Variants in ERGIC2 observed in about 807,000 individuals in gnomAD.
The protein encoded by ERGIC2 is endoplasmic reticulum-Golgi intermediate compartment protein 2.
In ERGIC2, 31 loss-of-function variants were observed where a neutral mutation model predicts 52.5. The ratio of observed to expected loss-of-function variants is 0.59; its 90% CI spans 0.44 to 0.80. ERGIC2 has a LOEUF of 0.80. Among genes scored for constraint, ERGIC2 ranks in the 30% least tolerant of loss-of-function variants. ERGIC2 has a pLI of 0.00. For missense variants in ERGIC2, 395 were observed against 455.2 expected (o/e 0.87, Z 1.20); for synonymous variants, 129 against 140.6 (o/e 0.92, Z 0.58).
Position 29,357,532 on chromosome 12 carries a change from A to G in ERGIC2, c.476+91T>C. On this transcript the variant is annotated intron_variant, in intron 7 of 13. Coordinates refer to ENST00000360150, the MANE Select transcript of ERGIC2 (RefSeq NM_016570.3). ...TCTATTTTCCCTTCCTAAGAAAAAT[A>G]AGATTCAGAAAACTAAACCAACACT... The G allele has an allele frequency of 4.1e-6, 3 of 723,274 alleles. No homozygotes were observed. The East Asian group carries it at 7.5e-5, about 18-fold the overall frequency. 44.8% of individuals were successfully genotyped at this position (723,274 alleles called of 1,614,324 possible).
chr12:29,380,309 T>A (rs1278050683), intron 1 of ERGIC2, among the ~76,000 whole-genome samples: 1 of 152,136 alleles, frequency 6.6e-6, no homozygotes, highest in African/African-American at 2.4e-5. Context: ...AAATACTGAA[T>A]TACAACTTCA....
intron 1 of ERGIC2, among the ~76,000 whole-genome samples, chr12:29,376,375 C>T (rs1940514847): frequency 6.6e-6 from 1 of 152,160 alleles, no homozygotes. Flanking sequence ...TTAATGACTT[C>T]AGCACCCAGA....
rs759876628 is a variant in ERGIC2 at position 29,357,676 on chromosome 12, T to C, written c.423A>G (p.Gln141=). 1 of 1,610,386 alleles carries C rather than the reference T, an allele frequency of 6.2e-7. No homozygotes were observed. The highest frequency in any genetic ancestry group is 8.5e-7 in the Non-Finnish European group (1 of 1,177,034). The change falls in exon 7 of 14, where the codon CAA becomes CAG. Residue 141 remains glutamine, a synonymous_variant. Coordinates refer to ENST00000360150, the MANE Select transcript of ERGIC2 (RefSeq NM_016570.3). Reference sequence around the variant, plus strand: ...TAAAAGCACTTTTAAATATCACATCTTGAAGTGAATGCTCTTCTTGTAGCC... The same window carrying C: ...TAAAAGCACTTTTAAATATCACATCCTGAAGTGAATGCTCTTCTTGTAGCC... ...QSRLQEEHSL[Q]DVIFKSAFKS...
At chr12:29,341,860 T>C in intron 12 of ERGIC2, 44 bp from the exon 13 acceptor site, 1 of 970,400 alleles carries the variant, frequency 1.0e-6, no homozygotes, top group Admixed American at 1.8e-5. Context: ...TTTCCTAAAC[T>C]GTTATTTAAG....
chr12:29,341,100 T>C lies in ERGIC2; in HGVS notation c.*56A>G, dbSNP rs1949836431. The C allele has an allele frequency of 2.6e-6, 3 of 1,144,644 alleles. No individual in the cohort carries two copies. Among genetic ancestry groups the C allele is most frequent in the African/African-American group, 1.6e-5 (1 of 64,242 alleles). 70.9% of individuals were successfully genotyped at this position (1,144,644 alleles called of 1,614,324 possible). ...GAATATATTGCACAATATTTTATTATTAAAAAAAGGTTTTATGTCTCAGGC... is the reference window on the plus strand; with the variant it reads ...GAATATATTGCACAATATTTTATTACTAAAAAAAGGTTTTATGTCTCAGGC... On this transcript the variant is annotated 3_prime_UTR_variant, in exon 14 of 14. Transcript: ENST00000360150.
intron 11 of ERGIC2, 28 bp downstream of exon 11, chr12:29,345,415 A>T (rs1940034038): frequency 3.1e-6 from 4 of 1,271,658 alleles, no homozygotes. Flanking sequence ...AAATCACCAA[A>T]TTATTTTACC....
In ERGIC2 at chr12:29,349,119, A is replaced by C. The variant is rs1202176712; in HGVS notation, c.687T>G (p.Ile229Met). ...TTTCAGTTCCATCTAAAGGATTAAT[A>C]ATTGCTGGAACAAGCTCTCCAAAAG... Reference protein sequence around the residue: ...HLSFGELVPAIINPLDGTEKI... With the variant: ...HLSFGELVPAMINPLDGTEKI... The change falls in exon 10 of 14, where the codon ATT becomes ATG. Residue 229 changes from isoleucine to methionine, a missense_variant. By Grantham distance (10) the Ile-to-Met change is conservative. Transcript: ENST00000360150. The C allele has an allele frequency of 6.3e-7, 1 of 1,582,842 alleles. No individual in the cohort carries two copies. The highest frequency in any genetic ancestry group is 1.4e-5 in the African/African-American group (1 of 72,926).
intron 4 of ERGIC2, among the ~76,000 whole-genome samples, chr12:29,367,306 C>T (rs1217027471): frequency 1.3e-5 from 2 of 151,448 alleles, no homozygotes; most frequent in Non-Finnish European, 3.0e-5. Context: ...TAAGTGGCTG[C>T]TGAACAAAAT....
chr12:29,369,380 C>T (rs563409043), intron 3 of ERGIC2, among the ~76,000 whole-genome samples: 10 of 151,950 alleles, frequency 6.6e-5, no homozygotes, highest in African/African-American at 2.4e-4. Context: ...GTGTGACCTG[C>T]CCAAGGTTAC....
chr12:29,350,180 A>AT (rs1940112690), intron 8 of ERGIC2, 112 bp from the exon 9 acceptor site: 1 of 643,488 alleles, frequency 1.6e-6, no homozygotes, highest in Non-Finnish European at 2.7e-6. Context: ...ACAAAATAAC[A>AT]TAAGAATGCA....
At chr12:29,371,815 C>T (rs1442389441) in intron 1 of ERGIC2, 145 bp from the exon 2 acceptor site, 1 of 488,898 alleles carries the variant, frequency 2.0e-6, no homozygotes, top group East Asian at 3.3e-5. Context: ...TATTTATCCA[C>T]ACTACTCCTT....
chr12:29,361,133 C>T (rs146713851), intron 6 of ERGIC2, among the ~76,000 whole-genome samples: 12 of 151,938 alleles, frequency 7.9e-5, no homozygotes, highest in Non-Finnish European at 1.0e-4. Context: ...CTGTAGTGTG[C>T]GCCAGCTACT....
At chr12:29,368,919 T>C (rs1940400927) in intron 3 of ERGIC2, among the ~76,000 whole-genome samples, 3 of 151,986 alleles carry the variant, frequency 2.0e-5, no homozygotes, top group Admixed American at 2.0e-4. Flanking sequence ...CTTAAAATTT[T>C]TCATGGCCTT....
intron 10 of ERGIC2, among the ~76,000 whole-genome samples, chr12:29,348,504 T>C (rs1001100842): frequency 2.0e-5 from 3 of 151,962 alleles, no homozygotes; most frequent in Admixed American, 2.0e-4. Context: ...GATCTTTCCA[T>C]ATTTGGATAG....
intron 1 of ERGIC2, among the ~76,000 whole-genome samples, chr12:29,378,470 G>T (rs1373054004): frequency 6.6e-6 from 1 of 151,990 alleles, no homozygotes. Context: ...CTGAATATCA[G>T]AAATAAAAGG....
rs1475027143 is a variant in ERGIC2 at position 29,370,124 on chromosome 12, C to G, written c.205G>C (p.Asp69His). 1.3e-6 allele frequency: 2 copies of G among 1,508,612 alleles called. No homozygotes were observed. The highest frequency in any genetic ancestry group is 1.8e-6 in the Non-Finnish European group (2 of 1,140,334). The allele number at this position is 1,508,612 out of a possible 1,614,324, so 93.5% of individuals were successfully genotyped here. A position where few individuals can be genotyped will look rare whatever the true frequency, so the allele number is the denominator to read the frequency against. The change falls in exon 3 of 14, where the codon GAT becomes CAT. Residue 69 changes from aspartate (D) to histidine (H), a missense_variant. By Grantham distance (81) the Asp-to-His change is moderately conservative (BLOSUM62 -1). Coordinates refer to ENST00000360150, the MANE Select transcript of ERGIC2 (RefSeq NM_016570.3). ...WMKYEYEVDK[D>H]FSSKLRINID... The stretch of plus-strand genomic sequence containing the variant: ...AAAAAAAATGATTACCTAGAAAAAT[C>G]CTTGTCTACTTCGTATTCATACTTC...
At chr12:29,370,016 C>A in intron 3 of ERGIC2, 98 bp downstream of exon 3, 1 of 1,163,254 alleles carries the variant, frequency 8.6e-7, no homozygotes, top group Non-Finnish European at 1.1e-6. Flanking sequence ...CTAAAACAAA[C>A]CAAATCTAGA....
chr12:29,360,591 CTATA>C (rs1940271221), intron 6 of ERGIC2, among the ~76,000 whole-genome samples: 1 of 146,694 alleles, frequency 6.8e-6, no homozygotes, highest in African/African-American at 2.5e-5. Context: ...TATACAAGAA[CTATA>C]TATACAATTA....
intron 1 of ERGIC2, among the ~76,000 whole-genome samples, chr12:29,376,066 A>G (rs951962113): frequency 6.6e-6 from 1 of 152,198 alleles, no homozygotes; most frequent in African/African-American, 2.4e-5. Context: ...CACAGGTTAC[A>G]GAAGTATCAT....
Sources: allele counts gnomAD v4.1 joint callset (sites outside exome capture counted in the v4.1 genomes callset), GRCh38; gene constraint gnomAD v4.1.1; transcripts MANE v1.5; gene names NCBI Gene and HGNC (gene_info 2026-07-23, HGNC 2026-07-21).